The following ANKDD1B variants were observed in gnomAD, a reference collection of about 807,000 sequenced individuals.
ANKDD1B encodes the protein ankyrin repeat and death domain-containing protein 1B.
Under a neutral mutation model 59.7 loss-of-function variants are expected in ANKDD1B, and 57 were observed. The ratio of observed to expected loss-of-function variants is 0.95; its 90% CI spans 0.77 to 1.19. ANKDD1B has a LOEUF of 1.19. Ranked by LOEUF, ANKDD1B falls within the 50% of genes most tolerant of loss-of-function variation. ANKDD1B has a pLI of 0.00. For missense variants in ANKDD1B, 602 were observed against 641.9 expected, an observed-to-expected ratio of 0.94 and a Z score of 0.67; for synonymous variants, 216 against 239.5, an observed-to-expected ratio of 0.90 and a Z score of 0.91.
At position 75,628,997 on chromosome 5, in the gene ANKDD1B, A is replaced by G. The variant is rs1272752167; in HGVS notation, c.600+3042A>G. ...ATATTTACAAGAATTTGGTGGTACAATGTTGGGTTGGTTTCAGCTACGAAT... is the reference window on the plus strand; with the variant it reads ...ATATTTACAAGAATTTGGTGGTACAGTGTTGGGTTGGTTTCAGCTACGAAT... On this transcript the variant is annotated intron_variant, in intron 5 of 13. Transcript: ENST00000601380. 4.6e-5 allele frequency among the ~76,000 whole-genome samples: 7 copies of G among 152,176 alleles called. No individual in the cohort carries two copies. The East Asian group carries it at 5.8e-4, about 13-fold the overall frequency.
At chr5:75,661,445 G>T (rs1775149020) in intron 10 of ANKDD1B, among the ~76,000 whole-genome samples, 2 of 144,552 alleles carry the variant, frequency 1.4e-5, no homozygotes, top group South Asian at 2.3e-4. Flanking sequence ...GCCCACTGTG[G>T]ACGATTTAGA....
At chr5:75,662,739 C>A (rs1775193536) in intron 10 of ANKDD1B, among the ~76,000 whole-genome samples, 2 of 151,986 alleles carry the variant, frequency 1.3e-5, no homozygotes, top group Non-Finnish European at 2.9e-5. Flanking sequence ...GGGCTCCAGG[C>A]AGTTCATTCC....
At chr5:75,622,735 C>T (rs545141321) in intron 3 of ANKDD1B, among the ~76,000 whole-genome samples, 50 of 152,314 alleles carry the variant, frequency 3.3e-4, no homozygotes, top group African/African-American at 1.1e-3. Context: ...GTACACTTTA[C>T]AGAGCTTCGT....
At chr5:75,669,218 GT>G in intron 12 of ANKDD1B, 33 bp from the exon 13 acceptor site, 1 of 1,231,804 alleles carries the variant, frequency 8.1e-7, no homozygotes, top group Non-Finnish European at 1.0e-6. Flanking sequence ...GCAGCTCGTG[GT>G]GTTTTACCTC....
At chr5:75,667,811 G>T (rs1012755022) in intron 12 of ANKDD1B, among the ~76,000 whole-genome samples, 2 of 152,142 alleles carry the variant, frequency 1.3e-5, no homozygotes, top group Non-Finnish European at 2.9e-5. Context: ...CTTGCTCAGG[G>T]GTCTATTTGT....
chr5:75,668,331 G>A (rs1054153990), intron 12 of ANKDD1B, among the ~76,000 whole-genome samples: 13 of 152,134 alleles, frequency 8.5e-5, no homozygotes, highest in African/African-American at 3.1e-4. Context: ...TGTGATCCAG[G>A]GTAAGGTTAC....
intron 3 of ANKDD1B, among the ~76,000 whole-genome samples, chr5:75,622,234 A>G (rs1278705203): frequency 6.6e-6 from 1 of 152,204 alleles, no homozygotes; most frequent in Non-Finnish European, 1.5e-5. Context: ...AGTCATTGCT[A>G]TTTAAAGTGT....
intron 3 of ANKDD1B, among the ~76,000 whole-genome samples, chr5:75,622,668 G>A (rs1374732585): frequency 1.3e-5 from 2 of 152,174 alleles, no homozygotes; most frequent in Non-Finnish European, 2.9e-5. Context: ...GAAATTATTG[G>A]CCTCACCTAT....
At chr5:75,658,392 T>C (rs1001225982) in intron 9 of ANKDD1B, among the ~76,000 whole-genome samples, 1 of 152,142 alleles carries the variant, frequency 6.6e-6, no homozygotes, top group Admixed American at 6.5e-5. Context: ...TGCCCTAATA[T>C]TTTAGAAATC....
At chr5:75,653,780 A>G (rs544970497) in intron 8 of ANKDD1B, among the ~76,000 whole-genome samples, 143 of 152,346 alleles carry the variant, frequency 9.4e-4, no homozygotes, top group African/African-American at 3.3e-3. Context: ...TGAGAATATG[A>G]TTTCCTCTGA....
intron 13 of ANKDD1B, among the ~76,000 whole-genome samples, chr5:75,670,273 A>G (rs1775439059): frequency 6.6e-6 from 1 of 152,222 alleles, no homozygotes; most frequent in African/African-American, 2.4e-5. Flanking sequence ...TAGTATATTG[A>G]CTTTGGAAAC....
At chr5:75,615,737 T>G (rs1773700726) in intron 1 of ANKDD1B, among the ~76,000 whole-genome samples, 1 of 151,786 alleles carries the variant, frequency 6.6e-6, no homozygotes, top group Admixed American at 6.6e-5. Context: ...CACCAATCAT[T>G]ATCAGATTGG....
rs1773557474 is a variant in ANKDD1B, at chr5:75,611,641, C to G, written c.7C>G (p.Pro3Ala). The G allele has an allele frequency of 8.1e-7, 1 of 1,231,318 alleles. No individual in the cohort carries two copies. Among genetic ancestry groups the G allele is most frequent in the Non-Finnish European group, 1.0e-6 (1 of 987,876 alleles). The allele number at this position is 1,231,318 out of a possible 1,614,324, so 76.3% of individuals were successfully genotyped here. A position where few individuals can be genotyped will look rare whatever the true frequency, so the allele number is the denominator to read the frequency against. MDPAGRARGQGAT... is the reference protein window; with the variant it reads MDAAGRARGQGAT... ...AGGGCCCGCGGAGGAGACTATGGAC[C>G]CCGCCGGGCGCGCCCGGGGCCAAGG... Residue 3 changes from proline (P) to alanine (A), a missense_variant, in exon 1 of 14, where the codon CCC becomes GCC. By Grantham distance (27) the Pro-to-Ala change is conservative. This residue lies in a region of ANKDD1B where 317 missense variants were observed against 304.6 expected (regional missense o/e 1.04). Coordinates refer to ENST00000601380, the MANE Select transcript of ANKDD1B (RefSeq NM_001276713.2).
At chr5:75,616,068 C>G (rs1014934048) in intron 1 of ANKDD1B, among the ~76,000 whole-genome samples, 13 of 152,106 alleles carry the variant, frequency 8.5e-5, no homozygotes, top group African/African-American at 3.1e-4. Flanking sequence ...ACGGTCCTTT[C>G]TGTTTGGAGA....
At chr5:75,629,420 G>C (rs1774087925) in intron 5 of ANKDD1B, among the ~76,000 whole-genome samples, 1 of 152,070 alleles carries the variant, frequency 6.6e-6, no homozygotes, top group South Asian at 2.1e-4. Context: ...CTCCTCAGGG[G>C]CTCCTAAGAG....
intron 1 of ANKDD1B, among the ~76,000 whole-genome samples, chr5:75,615,724 G>A (rs190201250): frequency 4.0e-5 from 6 of 149,908 alleles, no homozygotes; most frequent in Non-Finnish European, 8.9e-5. Context: ...CTTCTTATAG[G>A]GACACCAATC....
chr5:75,651,539 A>G (rs1311727954), intron 7 of ANKDD1B, among the ~76,000 whole-genome samples: 1 of 152,204 alleles, frequency 6.6e-6, no homozygotes, highest in African/African-American at 2.4e-5. Context: ...CTGCAAGTAG[A>G]AATTATGCTG....
intron 11 of ANKDD1B, among the ~76,000 whole-genome samples, chr5:75,664,654 C>G (rs1312074538): frequency 6.6e-6 from 1 of 152,114 alleles, no homozygotes; most frequent in Non-Finnish European, 1.5e-5. Context: ...TTCATTGGTT[C>G]TATTTTTAAT....
At chr5:75,616,734 C>A in intron 1 of ANKDD1B, 70 bp from the exon 2 acceptor site, 1 of 650,074 alleles carries the variant, frequency 1.5e-6, no homozygotes, top group Non-Finnish European at 2.6e-6. Context: ...ACAAGGTTTG[C>A]CCTATGAAAT....
Sources: gnomAD v4.1 joint callset for allele counts (sites outside exome capture counted in the v4.1 genomes callset) on GRCh38, gnomAD v4.1.1 for gene constraint, gnomAD v4.1.1 regional missense constraint, MANE v1.5 for transcripts, NCBI Gene and HGNC (gene_info 2026-07-23, HGNC 2026-07-21) for gene names.